The following EPHX2 variants were observed in gnomAD, a reference collection of about 807,000 sequenced individuals.
EPHX2 encodes the protein epoxide hydrolase 2.
In EPHX2, 74 loss-of-function variants were observed where a neutral mutation model predicts 78.7. The observed-to-expected ratio is 0.94, with a 90% confidence interval of 0.78 to 1.14. The LOEUF is 1.14. Ranked by LOEUF, EPHX2 falls within the 50% of genes most tolerant of loss-of-function variation. The pLI is 0.00. For missense variants in EPHX2, 715 were observed against 702.5 expected (o/e 1.02, Z -0.20); for synonymous variants, 251 against 255.2 (o/e 0.98, Z 0.16).
In EPHX2 at chr8:27,491,275, C is replaced by T. The variant is rs775195378; in HGVS notation, c.67C>T (p.Leu23Phe). 2 of 1,576,962 alleles carry T rather than the reference C, an allele frequency of 1.3e-6. No homozygotes were observed. The highest frequency in any genetic ancestry group is 1.7e-6 in the Non-Finnish European group (2 of 1,171,050). The change falls in exon 1 of 19, where the codon CTC (leucine) becomes TTC (phenylalanine). Residue 23 changes from leucine to phenylalanine, a missense_variant. Transcript: ENST00000521400. ...GGCGCTGCCAGCGGTGTTCGGCGTCCTCGGCCGCACGGAGGAGGCCCTGGC... is the reference window on the plus strand; with the variant it reads ...GGCGCTGCCAGCGGTGTTCGGCGTCTTCGGCCGCACGGAGGAGGCCCTGGC... The part of the protein sequence containing the change: ...VLALPAVFGV[L>F]GRTEEALALP...
intron 12 of EPHX2, among the ~76,000 whole-genome samples, chr8:27,536,520 C>T (rs1394464462): frequency 6.6e-6 from 1 of 152,168 alleles, no homozygotes; most frequent in Non-Finnish European, 1.5e-5. Flanking sequence ...AGTACCTTCT[C>T]ATTATAGGAA....
At chr8:27,510,322 G>A (rs17057288) in intron 5 of EPHX2, among the ~76,000 whole-genome samples, 19,177 of 152,150 alleles carry the variant, frequency 0.13, 1,394 homozygotes, top group African/African-American at 0.21. Flanking sequence ...ATTCACATAC[G>A]TGTCCTCAGT....
At chr8:27,521,317 T>G (rs1814640002) in intron 10 of EPHX2, among the ~76,000 whole-genome samples, 1 of 152,200 alleles carries the variant, frequency 6.6e-6, no homozygotes, top group Non-Finnish European at 1.5e-5. Context: ...TGATACCAAA[T>G]GAAAGCAAAT....
chr8:27,543,551 A>G (rs1815480007), intron 16 of EPHX2, among the ~76,000 whole-genome samples, 198 bp from the exon 17 acceptor site: 1 of 152,136 alleles, frequency 6.6e-6, no homozygotes, highest in Non-Finnish European at 1.5e-5. Flanking sequence ...ATCTGCACAC[A>G]TAAGACCCAT....
At chr8:27,526,172 C>G (rs982245916) in intron 12 of EPHX2, among the ~76,000 whole-genome samples, 44 of 152,222 alleles carry the variant, frequency 2.9e-4, no homozygotes, top group African/African-American at 9.9e-4. Context: ...TCCCACGTTC[C>G]TCTCCCAGCC....
chr8:27,506,537 T>C (rs1312095214), intron 4 of EPHX2, among the ~76,000 whole-genome samples: 2 of 152,234 alleles, frequency 1.3e-5, no homozygotes, highest in Non-Finnish European at 2.9e-5. Flanking sequence ...CATCAATTGT[T>C]TGACTCTCTG....
At chr8:27,498,834 C>A (rs954801879) in intron 1 of EPHX2, among the ~76,000 whole-genome samples, 2 of 152,160 alleles carry the variant, frequency 1.3e-5, no homozygotes, top group Non-Finnish European at 2.9e-5. Context: ...AAATTTACTG[C>A]AAATCATTGA....
intron 6 of EPHX2, among the ~76,000 whole-genome samples, chr8:27,514,136 A>G (rs1312961065): frequency 1.3e-5 from 2 of 151,504 alleles, no homozygotes; most frequent in African/African-American, 2.4e-5. Flanking sequence ...TGGGCAACAT[A>G]GTGAGACCCC....
Position 27,536,872 on chromosome 8 carries a change from G to A in EPHX2, c.1242+17G>A, listed in dbSNP as rs1369949921. 6.2e-7 allele frequency: 1 copy of A among 1,613,706 alleles called. No homozygotes were observed. The highest frequency in any genetic ancestry group is 8.5e-7 in the Non-Finnish European group (1 of 1,179,902). ...AGCGATGAGGTGAGGGGTGGGGATG[G>A]GTGCAGAAGAACAGGAGGGGGCAGT... On this transcript the variant is annotated intron_variant, in intron 13 of 18. Transcript: ENST00000521400.
Position 27,512,131 on chromosome 8 carries a change from A to G in EPHX2, c.735+221A>G. The G allele has an allele frequency of 5.8e-6, 3 of 518,604 alleles. No homozygotes were observed. The South Asian group carries it at 7.3e-5, about 13-fold the overall frequency. The allele number at this position is 518,604 out of a possible 1,614,324, so 32.1% of individuals were successfully genotyped here. A position where few individuals can be genotyped will look rare whatever the true frequency, so the allele number is the denominator to read the frequency against. On this transcript the variant is annotated intron_variant, in intron 6 of 18. Coordinates refer to ENST00000521400, the MANE Select transcript of EPHX2 (RefSeq NM_001979.6). ...AAAAAAAAAAAAAGGACCAGCAGTG[A>G]CATTTGTTAAATATCGAGGGTGGTT... is the stretch of plus-strand genomic sequence containing the variant.
At chr8:27,508,736 G>T (rs1201805474) in intron 5 of EPHX2, among the ~76,000 whole-genome samples, 1 of 152,122 alleles carries the variant, frequency 6.6e-6, no homozygotes, top group African/African-American at 2.4e-5. Flanking sequence ...TGCATGTAAC[G>T]TAAAATTTGC....
intron 11 of EPHX2, among the ~76,000 whole-genome samples, chr8:27,525,101 T>TGCGCGC (rs1337299692): frequency 4.5e-4 from 59 of 130,816 alleles, no homozygotes; most frequent in Middle Eastern, 8.4e-3. Context: ...TGTGTGTGTG[T>TGCGCGC]GTGTGTGCGC....
intron 11 of EPHX2, among the ~76,000 whole-genome samples, chr8:27,523,056 A>G (rs1169887944): frequency 1.3e-5 from 2 of 151,552 alleles, no homozygotes; most frequent in Non-Finnish European, 2.9e-5. Context: ...CAAATAATTC[A>G]GGGCCCGAGT....
intron 14 of EPHX2, 119 bp downstream of exon 14, chr8:27,538,811 C>A: frequency 8.5e-7 from 1 of 1,169,610 alleles, no homozygotes; most frequent in Non-Finnish European, 1.3e-6. Flanking sequence ...TTTAAGTTGC[C>A]CAACCAGGGT....
intron 5 of EPHX2, among the ~76,000 whole-genome samples, chr8:27,509,088 C>G (rs1814135381): frequency 6.6e-6 from 1 of 151,056 alleles, no homozygotes; most frequent in Admixed American, 6.6e-5. Flanking sequence ...ATGAATTGGA[C>G]TCCTCTAGGG....
intron 3 of EPHX2, among the ~76,000 whole-genome samples, chr8:27,504,445 C>A (rs1563342433): frequency 6.6e-6 from 1 of 152,188 alleles, no homozygotes; most frequent in East Asian, 1.9e-4. Context: ...ATGTACACTT[C>A]TCTAGTTTTG....
At chr8:27,544,074 G>A (rs1274291901) in intron 17 of EPHX2, 112 bp from the exon 18 acceptor site, 1 of 1,285,318 alleles carries the variant, frequency 7.8e-7, no homozygotes, top group Non-Finnish European at 1.1e-6. Context: ...CAGGGTTTGG[G>A]CAGGGTGGCC....
chr8:27,541,454 C>T lies in EPHX2; in HGVS notation c.1380-19C>T. On this transcript the variant is annotated intron_variant, in intron 15 of 18. Coordinates refer to ENST00000521400, the MANE Select transcript of EPHX2 (RefSeq NM_001979.6). ...TCTACTTACTGCCTCCCTCTTTTTA[C>T]TTTCTGATCTCTCCCCAGAGGTCCT... The T allele has an allele frequency of 6.2e-7, 1 of 1,613,970 alleles. No individual in the cohort carries two copies. The highest frequency in any genetic ancestry group is 8.5e-7 in the Non-Finnish European group (1 of 1,179,798).
At chr8:27,492,502 A>G (rs1212405587) in intron 1 of EPHX2, among the ~76,000 whole-genome samples, 1 of 152,182 alleles carries the variant, frequency 6.6e-6, no homozygotes, top group African/African-American at 2.4e-5. Flanking sequence ...TGCTGACTTC[A>G]AGAATGGAGC....
Sources: allele counts gnomAD v4.1 joint callset (sites outside exome capture counted in the v4.1 genomes callset), GRCh38; gene constraint gnomAD v4.1.1; transcripts MANE v1.5; gene names NCBI Gene and HGNC (gene_info 2026-07-23, HGNC 2026-07-21).